The following RXRA variants were observed in gnomAD, a reference collection of about 807,000 sequenced individuals.
RXRA encodes the protein retinoic acid receptor RXR-alpha.
In RXRA, 5 loss-of-function variants were observed where a neutral mutation model predicts 44.5. That is an observed-to-expected ratio of 0.11 (90% CI 0.06 to 0.24). The LOEUF (loss-of-function observed/expected upper bound fraction) is 0.24. Ranked by LOEUF, RXRA falls within the 10% of genes least tolerant of loss-of-function variation. RXRA has a pLI of 1.00. For synonymous variants in RXRA, 291 were observed against 271.4 expected (o/e 1.07, Z -0.71); for missense variants, 412 against 646.5 (o/e 0.64, Z 3.93).
chr9:134,417,248 G>A lies in RXRA; in HGVS notation c.701G>A (p.Arg234Lys), dbSNP rs1346475251. ...SSANEDMPVE[R>K]ILEAELAVEP... ...GCCAACGAGGACATGCCGGTGGAGA[G>A]GATCCTGGAGGCTGAGCTGGCCGTG... Residue 234 changes from arginine (R) to lysine (K), a missense_variant, in exon 5 of 10, where the codon AGG becomes AAG. By Grantham distance (26) the Arg-to-Lys change is conservative. Around this residue, in one of 4 missense-constraint regions of RXRA, gnomAD observed 67 missense variants for 78.7 expected, o/e 0.85. Transcript: ENST00000481739. This position sits in a 1 kb window ranked among gnomAD's most constrained non-coding sequence, Gnocchi z 6.1. The A allele has an allele frequency of 6.2e-7, 1 of 1,613,918 alleles. No homozygotes were observed. Among genetic ancestry groups the A allele is most frequent in the Non-Finnish European group, 8.5e-7 (1 of 1,179,998 alleles).
In RXRA at chr9:134,426,685, C is replaced by T. The variant is rs988140649; in HGVS notation, c.911-2423C>T. 1 of 985,302 alleles carries T rather than the reference C, an allele frequency of 1.0e-6. No homozygotes were observed. The highest frequency in any genetic ancestry group is 6.1e-5 in the Admixed American group (1 of 16,264). 61.0% of individuals were successfully genotyped at this position (985,302 alleles called of 1,614,324 possible). On this transcript the variant is annotated intron_variant, in intron 6 of 9. Coordinates refer to ENST00000481739, the MANE Select transcript of RXRA (RefSeq NM_002957.6). This position sits in a 1 kb window ranked among gnomAD's most constrained non-coding sequence, Gnocchi z 4.6. Reference sequence around the variant, plus strand: ...TACCCTGGTGCCTGCTGGGTGGCCTCAGGGGCTCTCGGGGCAGTGGGAGGG... The same window carrying T: ...TACCCTGGTGCCTGCTGGGTGGCCTTAGGGGCTCTCGGGGCAGTGGGAGGG...
rs559075715 is a variant in RXRA, at chr9:134,423,945, A to T, written c.910+2140A>T. ...ACGCAGCTCTTTTCCTGGGGATCCC[A>T]GATGGTTGTGCGCTGGGGGCCTGGC... On this transcript the variant is annotated intron_variant, in intron 6 of 9. Coordinates refer to ENST00000481739, the MANE Select transcript of RXRA (RefSeq NM_002957.6). 4.1e-6 allele frequency: 4 copies of T among 984,050 alleles called. No individual in the cohort carries two copies. The East Asian group carries it at 3.5e-4, about 86-fold the overall frequency. 61.0% of individuals were successfully genotyped at this position (984,050 alleles called of 1,614,324 possible).
At chr9:134,390,926 T>C (rs1830790479) in intron 1 of RXRA, among the ~76,000 whole-genome samples, 1 of 152,082 alleles carries the variant, frequency 6.6e-6, no homozygotes, top group Admixed American at 6.5e-5. Flanking sequence ...TGGAGGGGAT[T>C]CTTGGAAAGC....
intron 6 of RXRA, chr9:134,422,937 T>C: frequency 1.0e-6 from 1 of 985,452 alleles, no homozygotes. Context: ...TCTCTTTCCA[T>C]GCGGTAATGG....
At chr9:134,376,145 C>T (rs34463468) in intron 1 of RXRA, among the ~76,000 whole-genome samples, 112,775 of 152,052 alleles carry the variant, frequency 0.74, 42,018 homozygotes, top group East Asian at 0.81. Flanking sequence ...CCACCGGCCC[C>T]GCTGGTTGGG....
chr9:134,392,319 G>T (rs1588283182), intron 1 of RXRA, among the ~76,000 whole-genome samples: 2 of 146,118 alleles, frequency 1.4e-5, no homozygotes, highest in Admixed American at 6.8e-5. Context: ...TGCTCACGAT[G>T]CCCCGGGGGG....
At position 134,407,159 on chromosome 9, in the gene RXRA, C is replaced by T. The variant is rs978087956; in HGVS notation, c.280-990C>T. On this transcript the variant is annotated intron_variant, in intron 2 of 9. Transcript: ENST00000481739. The surrounding 1 kb of genome is among the most constrained non-coding windows in gnomAD (Gnocchi z 4.8). ...GGGCTGGAAGACTCATTCCAGGCACCGAGGTCCATGTGAAAGGAGGCTTTG... is the reference window on the plus strand; with the variant it reads ...GGGCTGGAAGACTCATTCCAGGCACTGAGGTCCATGTGAAAGGAGGCTTTG... 2.0e-5 allele frequency among the ~76,000 whole-genome samples: 3 copies of T among 152,232 alleles called. No homozygotes were observed. The highest frequency in any genetic ancestry group is 4.4e-5 in the Non-Finnish European group (3 of 68,044).
chr9:134,430,607 G>A (rs903217240), intron 7 of RXRA, among the ~76,000 whole-genome samples: 2 of 149,948 alleles, frequency 1.3e-5, no homozygotes, highest in Non-Finnish European at 3.0e-5. Flanking sequence ...CGCAGGACTT[G>A]TCAGGGCCTT....
chr9:134,410,207 G>A (rs1018349991), intron 4 of RXRA, among the ~76,000 whole-genome samples: 2 of 152,258 alleles, frequency 1.3e-5, no homozygotes, highest in South Asian at 4.1e-4. Flanking sequence ...GTATGGGCTG[G>A]TGTGAGGTCC....
intron 9 of RXRA, 37 bp from the exon 10 acceptor site, chr9:134,436,430 C>A: frequency 6.2e-7 from 1 of 1,607,980 alleles, no homozygotes. Context: ...ACTGCCCATG[C>A]CCCTTGCCCG....
intron 1 of RXRA, among the ~76,000 whole-genome samples, chr9:134,370,331 C>T (rs1364272401): frequency 2.0e-5 from 3 of 152,198 alleles, no homozygotes; most frequent in Non-Finnish European, 4.4e-5. Context: ...TCTCTGCCCT[C>T]GCCGTGTCCA....
rs761245578 is a variant in RXRA, at chr9:134,408,101, G to A, written c.280-48G>A. The A allele has an allele frequency of 9.6e-6, 14 of 1,464,890 alleles. No individual in the cohort carries two copies. The Admixed American group carries it at 1.0e-4, about 10-fold the overall frequency. 90.7% of individuals were successfully genotyped at this position (1,464,890 alleles called of 1,614,324 possible). On this transcript the variant is annotated intron_variant, in intron 2 of 9. Coordinates refer to ENST00000481739, the MANE Select transcript of RXRA (RefSeq NM_002957.6). ...GCTGCAGGGCCGTGGGGGACATAGG[G>A]ACAAACCTGGTGTACACCCCGCTGA...
intron 1 of RXRA, among the ~76,000 whole-genome samples, chr9:134,397,116 G>A (rs568688951): frequency 1.3e-5 from 2 of 152,240 alleles, no homozygotes; most frequent in Non-Finnish European, 2.9e-5. Context: ...TCCTGGCACT[G>A]GTGAGCGTTC....
chr9:134,337,764 C>T (rs185248402), intron 1 of RXRA, among the ~76,000 whole-genome samples: 25 of 152,290 alleles, frequency 1.6e-4, no homozygotes, highest in Admixed American at 1.6e-3. Flanking sequence ...AGCTCGCTGA[C>T]TCTGCCTTCC....
chr9:134,421,892 C>A, intron 6 of RXRA, 87 bp downstream of exon 6: 2 of 1,550,762 alleles, frequency 1.3e-6, no homozygotes, highest in Non-Finnish European at 8.7e-7. Flanking sequence ...ATACTCCGCA[C>A]TCCCGGGACA....
intron 1 of RXRA, chr9:134,379,196 C>T: frequency 3.4e-6 from 3 of 877,578 alleles, no homozygotes; most frequent in Non-Finnish European, 4.1e-6. Flanking sequence ...CTCGGTTGGA[C>T]CTGCTTGTCC....
chr9:134,386,435 G>A (rs1385288880), intron 1 of RXRA, among the ~76,000 whole-genome samples: 1 of 152,380 alleles, frequency 6.6e-6, no homozygotes, highest in East Asian at 1.9e-4. Context: ...CTGGGTGGGT[G>A]CCTGTGTCTT....
intron 1 of RXRA, among the ~76,000 whole-genome samples, chr9:134,359,300 CGCCG>C (rs1238931050): frequency 6.6e-6 from 1 of 152,026 alleles, no homozygotes; most frequent in Admixed American, 6.5e-5. Flanking sequence ...GTGCTGCTGC[CGCCG>C]GCGGCTCTGA....
intron 1 of RXRA, among the ~76,000 whole-genome samples, chr9:134,337,890 C>T (rs1389629258): frequency 3.9e-5 from 6 of 152,116 alleles, no homozygotes; most frequent in Non-Finnish European, 7.4e-5. Context: ...ACGAGACAGG[C>T]GGGTTTCGTT....
Sources: allele counts gnomAD v4.1 joint callset (sites outside exome capture counted in the v4.1 genomes callset), GRCh38; gene constraint gnomAD v4.1.1; regional missense constraint gnomAD v4.1.1; non-coding constraint Gnocchi (gnomAD v3.1); transcripts MANE v1.5; gene names NCBI Gene and HGNC (gene_info 2026-07-23, HGNC 2026-07-21).